POLR2F: variants seen among roughly 807,000 people sequenced by gnomAD.
POLR2F encodes the protein DNA-directed RNA polymerases I, II, and III subunit RPABC2.
POLR2F carries 12 observed loss-of-function variants against 22.7 expected under a neutral mutation model. The observed-to-expected ratio is 0.53, with a 90% CI of 0.34 to 0.86. POLR2F has a LOEUF of 0.86. Among genes scored for constraint, POLR2F ranks in the 40% least tolerant of loss-of-function variants. The probability of loss-of-function intolerance (pLI) is 0.02; values close to 1 mark genes in which losing one functional copy is unlikely to be tolerated. For synonymous variants in POLR2F, 57 were observed against 66.0 expected, an observed-to-expected ratio of 0.86 and a Z score of 0.66; for missense variants, 126 against 171.5, an observed-to-expected ratio of 0.73 and a Z score of 1.48.
chr22:38,018,786 G>A (rs1379300417), intron 1 of POLR2F, among the ~76,000 whole-genome samples: 1 of 152,242 alleles, frequency 6.6e-6, no homozygotes, highest in East Asian at 1.9e-4. Flanking sequence ...GTGGGGAGAT[G>A]AGGCCAGATG....
downstream of POLR2F, chr22:38,041,747 G>C (rs2085174120): frequency 6.6e-6 from 1 of 152,462 alleles, no homozygotes; most frequent in Admixed American, 6.5e-5. Flanking sequence ...AAGGATCATG[G>C]CTAACGGGCA....
intron 4 of POLR2F, among the ~76,000 whole-genome samples, chr22:37,975,221 T>A (rs1343110862): frequency 6.6e-6 from 1 of 152,168 alleles, no homozygotes; most frequent in Non-Finnish European, 1.5e-5. Context: ...ATAAAATGGA[T>A]CCCTGTTCCC....
chr22:37,963,111 C>T (rs1048895322), intron 3 of POLR2F, among the ~76,000 whole-genome samples: 18 of 152,096 alleles, frequency 1.2e-4, no homozygotes, highest in South Asian at 4.2e-4. Context: ...CTGAGCTTCC[C>T]GGGTAGCTGG....
downstream of POLR2F, among the ~76,000 whole-genome samples, chr22:38,031,610 C>A (rs1386510074): frequency 6.6e-6 from 1 of 152,176 alleles, no homozygotes; most frequent in Non-Finnish European, 1.5e-5. This position sits in a 1 kb window ranked among gnomAD's most constrained non-coding sequence, Gnocchi z 4.1. Flanking sequence ...GTCCCAGGCG[C>A]CTGATGTCAC....
At chr22:38,035,477 G>A (rs1029322136) in intron 5 of POLR2F, among the ~76,000 whole-genome samples, 4 of 152,226 alleles carry the variant, frequency 2.6e-5, no homozygotes, top group African/African-American at 9.6e-5. Context: ...CCCAGGGCAG[G>A]GGGCCTGGCA....
In POLR2F at chr22:37,978,778, CTT is replaced by C. The variant is rs139967029; in HGVS notation, c.293+11610_293+11611del. ...CCTTGAGGAAGAGGTGCTTTTCTTTCTTTCTTTTTTTTTTCTGTGAGGGAATC... is the reference window on the plus strand; with the variant it reads ...CCTTGAGGAAGAGGTGCTTTTCTTTCTCTTTTTTTTTTCTGTGAGGGAATC... On this transcript the variant is annotated intron_variant, in intron 4 of 4. Coordinates refer to the POLR2F transcript ENST00000405557. The surrounding 1 kb of genome is among the most constrained non-coding windows in gnomAD (Gnocchi z 5.0). 8.3e-3 allele frequency among the ~76,000 whole-genome samples: 1,267 copies of C among 152,032 alleles called. 17 individuals carry two copies. The highest frequency in any genetic ancestry group is 0.029 in the African/African-American group (1,209 of 41,454).
intron 3 of POLR2F, among the ~76,000 whole-genome samples, chr22:37,966,843 T>TA (rs1931871268): frequency 6.6e-6 from 1 of 152,178 alleles, no homozygotes; most frequent in African/African-American, 2.4e-5. Flanking sequence ...TTGGAGCAGT[T>TA]AGAATGGTGT....
chr22:38,026,443 G>A (rs2085011126), exon 3 of POLR2F: 1 of 413,922 alleles, frequency 2.4e-6, no homozygotes, highest in African/African-American at 2.1e-5. Flanking sequence ...TATAACACCA[G>A]GGGCTGGTCT....
At chr22:37,974,091 G>T, downstream of POLR2F, 2 of 1,613,860 alleles carry the variant, frequency 1.2e-6, no homozygotes, top group Non-Finnish European at 1.7e-6. The surrounding 1 kb of genome is among the most constrained non-coding windows in gnomAD (Gnocchi z 5.4). Flanking sequence ...TCGATGTGAG[G>T]CTTCCCGCCC....
rs1177161073 is a variant in POLR2F, at chr22:37,974,869, G to T, written c.293+7699G>T. ...CACACCCATGCCTACTGTCTTCCTT[G>T]CTGAGCCTCGCTCGCCCAGGCTCCT... On this transcript the variant is annotated intron_variant, in intron 4 of 4. Coordinates refer to the POLR2F transcript ENST00000405557. The surrounding 1 kb of genome is among the most constrained non-coding windows in gnomAD (Gnocchi z 5.4). Among the ~76,000 whole-genome samples the T allele has an allele frequency of 1.3e-5, 2 of 152,134 alleles. No homozygotes were observed. The highest frequency in any genetic ancestry group is 2.9e-5 in the Non-Finnish European group (2 of 68,034).
chr22:38,011,257 T>C (rs1210439957), intron 1 of POLR2F, among the ~76,000 whole-genome samples: 2 of 151,832 alleles, frequency 1.3e-5, no homozygotes, highest in African/African-American at 2.4e-5. Context: ...ATTCGCACCA[T>C]GCCTAGCTAA....
chr22:38,041,413 A>T, downstream of POLR2F: 5 of 334,784 alleles, frequency 1.5e-5, no homozygotes, highest in Non-Finnish European at 2.8e-5. Context: ...CAGGCGGGGG[A>T]TGGAGGGGAG....
Position 38,016,175 on chromosome 22 carries a change from G to A in POLR2F, c.121-9694G>A, listed in dbSNP as rs1296179928. ...GGACTCAGCACCCACTGGGGCATCAGCGAATCTGTTTTGCCCTGAAAGGCA... is the reference window on the plus strand; with the variant it reads ...GGACTCAGCACCCACTGGGGCATCAACGAATCTGTTTTGCCCTGAAAGGCA... On this transcript the variant is annotated intron_variant, in intron 1 of 2. Transcript: ENST00000333418. The surrounding 1 kb of genome is among the most constrained non-coding windows in gnomAD (Gnocchi z 4.4). Among the ~76,000 whole-genome samples, 4 of 152,228 alleles carry A rather than the reference G, an allele frequency of 2.6e-5. No homozygotes were observed. The highest frequency in any genetic ancestry group is 9.6e-5 in the African/African-American group (4 of 41,456).
In POLR2F at chr22:37,968,430, A is replaced by G. The variant is rs765380473; in HGVS notation, c.*715A>G. On this transcript the variant is annotated 3_prime_UTR_variant, in exon 5 of 5. Transcript: ENST00000442738. The stretch of plus-strand genomic sequence containing the variant: ...CACCCATGCCTTCTTCCTAGCCTCT[A>G]TAAGATATCCTTTCCCTCCTATTTG... The G allele has an allele frequency of 2.0e-4, 193 of 985,774 alleles. No individual in the cohort carries two copies. The highest frequency in any genetic ancestry group is 3.1e-4 in the Admixed American group (5 of 16,278). The allele number at this position is 985,774 out of a possible 1,614,324, so 61.1% of individuals were successfully genotyped here. A position where few individuals can be genotyped will look rare whatever the true frequency, so the allele number is the denominator to read the frequency against.
At chr22:37,989,031 G>A (rs1433301655) in intron 1 of POLR2F, among the ~76,000 whole-genome samples, 2 of 152,142 alleles carry the variant, frequency 1.3e-5, no homozygotes, top group African/African-American at 4.8e-5. Context: ...GTGCGCTGGG[G>A]TGGCTGTGGG....
At chr22:38,021,331 C>T (rs1037570552) in intron 1 of POLR2F, among the ~76,000 whole-genome samples, 1 of 152,152 alleles carries the variant, frequency 6.6e-6, no homozygotes, top group Non-Finnish European at 1.5e-5. Context: ...TTGCCAAGCT[C>T]TTCCTTGTGG....
upstream of POLR2F, chr22:37,983,277 C>G (rs1022282292): frequency 6.7e-7 from 1 of 1,483,396 alleles, no homozygotes; most frequent in African/African-American, 1.4e-5. This position sits in a 1 kb window ranked among gnomAD's most constrained non-coding sequence, Gnocchi z 9.5. Context: ...CTCTGAGGTG[C>G]AGGAGGCCGG....
chr22:37,979,149 G>A (rs1356788987), intron 4 of POLR2F, among the ~76,000 whole-genome samples: 1 of 152,058 alleles, frequency 6.6e-6, no homozygotes, highest in African/African-American at 2.4e-5. Flanking sequence ...CCAGGCTGGA[G>A]TGCCGTGATG....
intron 4 of POLR2F, among the ~76,000 whole-genome samples, chr22:37,979,056 C>T (rs1387025521): frequency 6.6e-6 from 1 of 151,918 alleles, no homozygotes; most frequent in East Asian, 1.9e-4. Context: ...GGATTACAGG[C>T]ATGAGCCATT....
Sources: allele counts gnomAD v4.1 joint callset (sites outside exome capture counted in the v4.1 genomes callset), GRCh38; gene constraint gnomAD v4.1.1; non-coding constraint Gnocchi (gnomAD v3.1); transcripts MANE v1.5; gene names NCBI Gene and HGNC (gene_info 2026-07-23, HGNC 2026-07-21).